The following ZDHHC18 variants were observed in gnomAD, a reference collection of about 807,000 sequenced individuals.
ZDHHC18 encodes palmitoyltransferase ZDHHC18.
A neutral mutation model predicts 37.5 loss-of-function variants in ZDHHC18; 23 were observed. The ratio of observed to expected loss-of-function variants is 0.61; its 90% confidence interval spans 0.44 to 0.87. The LOEUF (loss-of-function observed/expected upper bound fraction) is 0.87, where lower values mean the gene tolerates loss of function less well. ZDHHC18 is among the 40% of genes least tolerant of loss of function. The pLI is 0.00. For synonymous variants in ZDHHC18, 185 were observed against 218.7 expected (o/e 0.85, Z 1.36); for missense variants, 406 against 525.6 (o/e 0.77, Z 2.22).
intron 7 of ZDHHC18, chr1:26,853,247 T>C (rs771762196): frequency 9.0e-5 from 23 of 254,324 alleles, no homozygotes; most frequent in Non-Finnish European, 1.4e-4. Flanking sequence ...CCCTGCTGGG[T>C]CACTCCCTGT....
chr1:26,828,875 C>T (rs1397396995), intron 1 of ZDHHC18, among the ~76,000 whole-genome samples: 2 of 152,122 alleles, frequency 1.3e-5, no homozygotes, highest in Non-Finnish European at 2.9e-5. Context: ...TCAGTCCCCA[C>T]ACCCAGGGCT....
At chr1:26,842,038 G>A (rs941120785) in intron 2 of ZDHHC18, among the ~76,000 whole-genome samples, 1 of 151,920 alleles carries the variant, frequency 6.6e-6, no homozygotes, top group Non-Finnish European at 1.5e-5. Flanking sequence ...AGGAGGCTGA[G>A]GCAGAGAATT....
At chr1:26,830,151 C>G (rs1053900610) in intron 1 of ZDHHC18, among the ~76,000 whole-genome samples, 1 of 152,194 alleles carries the variant, frequency 6.6e-6, no homozygotes, top group African/African-American at 2.4e-5. Context: ...ATGCAGGTGC[C>G]CACAGGTGTG....
intron 2 of ZDHHC18, among the ~76,000 whole-genome samples, chr1:26,834,825 T>C (rs2081603965): frequency 6.6e-6 from 1 of 152,226 alleles, no homozygotes; most frequent in African/African-American, 2.4e-5. Context: ...ATTTGTGTGT[T>C]AATTCTATAT....
At chr1:26,844,207 T>A in intron 2 of ZDHHC18, among the ~76,000 whole-genome samples, 1 of 152,010 alleles carries the variant, frequency 6.6e-6, no homozygotes, top group East Asian at 1.9e-4. Context: ...GCCCAGCTAA[T>A]TTTTGTATTT....
At chr1:26,847,141 C>T (rs544858795) in intron 2 of ZDHHC18, among the ~76,000 whole-genome samples, 26 of 151,834 alleles carry the variant, frequency 1.7e-4, no homozygotes, top group African/African-American at 6.3e-4. Flanking sequence ...ATGATCCGCC[C>T]GCCTCGGCCC....
intron 2 of ZDHHC18, among the ~76,000 whole-genome samples, chr1:26,846,899 A>ATT (rs35809421): frequency 4.8e-5 from 7 of 145,840 alleles, no homozygotes; most frequent in South Asian, 2.2e-4. Flanking sequence ...ATTGTTCCTA[A>ATT]TTTTTTTTTT....
At chr1:26,838,065 C>T (rs1422833482) in intron 2 of ZDHHC18, among the ~76,000 whole-genome samples, 3 of 145,726 alleles carry the variant, frequency 2.1e-5, no homozygotes, top group African/African-American at 5.1e-5. Context: ...GGTGAGATCT[C>T]GGCTCACCAC....
At chr1:26,837,382 ATATT>A (rs1377463009) in intron 2 of ZDHHC18, among the ~76,000 whole-genome samples, 1 of 147,720 alleles carries the variant, frequency 6.8e-6, no homozygotes, top group Non-Finnish European at 1.5e-5. Context: ...TTTTACATCT[ATATT>A]TAATATGCAT....
intron 2 of ZDHHC18, among the ~76,000 whole-genome samples, chr1:26,846,216 A>ATATATATGTG (rs1553158077): frequency 0.015 from 5 of 330 alleles, no homozygotes; most frequent in Admixed American, 0.094. Flanking sequence ...ACGTATATAC[A>ATATATATGTG]TATATATGTG....
At chr1:26,837,850 TCTC>T (rs1388810168) in intron 2 of ZDHHC18, among the ~76,000 whole-genome samples, 2 of 152,066 alleles carry the variant, frequency 1.3e-5, no homozygotes, top group African/African-American at 4.8e-5. Flanking sequence ...CCACTGCTCT[TCTC>T]CTACTGGTCC....
intron 6 of ZDHHC18, 22 bp downstream of exon 6, chr1:26,851,253 CCTCATTCT>C: frequency 6.2e-7 from 1 of 1,610,668 alleles, no homozygotes; most frequent in South Asian, 1.1e-5. Context: ...TGGAGCCACC[CCTCATTCT>C]AGGGCAGCGC....
At position 26,848,620 on chromosome 1, in the gene ZDHHC18, G is replaced by A; in HGVS notation, c.509G>A (p.Ser170Asn). 1 of 1,613,162 alleles carries A rather than the reference G, an allele frequency of 6.2e-7. No homozygotes were observed. Among genetic ancestry groups the A allele is most frequent in the Non-Finnish European group, 8.5e-7 (1 of 1,179,138 alleles). Reference protein sequence around the residue: ...ALEKQIDNTGSSTYRPPPRTR... With the variant: ...ALEKQIDNTGNSTYRPPPRTR... Reference sequence around the variant, plus strand: ...CTCCTTCCCTCAGACAACACAGGCAGTTCTACATACCGGCCACCCCCTCGG... The same window carrying A: ...CTCCTTCCCTCAGACAACACAGGCAATTCTACATACCGGCCACCCCCTCGG... The change falls in exon 3 of 8, where the codon AGT (serine) becomes AAT (asparagine). Residue 170 changes from serine to asparagine, a missense_variant. Coordinates refer to ENST00000374142, the MANE Select transcript of ZDHHC18 (RefSeq NM_032283.3).
chr1:26,852,038 C>A (rs1336918784), intron 6 of ZDHHC18, among the ~76,000 whole-genome samples: 1 of 152,226 alleles, frequency 6.6e-6, no homozygotes, highest in Non-Finnish European at 1.5e-5. Flanking sequence ...CAGACCTCAT[C>A]CTCTCATTCA....
chr1:26,829,093 C>T lies in ZDHHC18; in HGVS notation c.335+1954C>T, dbSNP rs865918238. ...CGTGAACCATGTTGCAGTTTGTCCC[C>T]GCTTGTCCTCATTGGGGGCTGGTAG... On this transcript the variant is annotated intron_variant, in intron 1 of 7. Coordinates refer to ENST00000374142, the MANE Select transcript of ZDHHC18 (RefSeq NM_032283.3). Among the ~76,000 whole-genome samples, 8 of 152,222 alleles carry T rather than the reference C, an allele frequency of 5.3e-5. No homozygotes were observed. In the South Asian group the frequency reaches 1.7e-3, roughly 32 times the overall value.
In ZDHHC18 at chr1:26,857,366, C is replaced by T. The variant is rs1392325252; in HGVS notation, c.*3523C>T. On this transcript the variant is annotated 3_prime_UTR_variant, in exon 8 of 8. Transcript: ENST00000374142. ...TGATACTGTTCCCACGGCCTGTCCA[C>T]CTCCCACCCCCAACCCTCCACCAGA... 2 of 152,210 alleles carry T rather than the reference C, an allele frequency of 1.3e-5. No homozygotes were observed. Among genetic ancestry groups the T allele is most frequent in the Admixed American group, 1.3e-4 (2 of 15,276 alleles). The allele number at this position is 152,210 out of a possible 1,614,324, so 9.4% of individuals were successfully genotyped here.
chr1:26,841,144 T>G (rs2081637240), intron 2 of ZDHHC18, among the ~76,000 whole-genome samples: 1 of 151,992 alleles, frequency 6.6e-6, no homozygotes, highest in Admixed American at 6.6e-5. Context: ...ACCTGGCTAA[T>G]TTTTGTATTT....
intron 1 of ZDHHC18, among the ~76,000 whole-genome samples, chr1:26,829,256 G>T (rs78169804): frequency 0.059 from 8,910 of 152,204 alleles, 350 homozygotes; most frequent in Non-Finnish European, 0.086. Flanking sequence ...TTGGCTTGGT[G>T]GATTGTTGCA....
rs57174975 is a variant in ZDHHC18, at chr1:26,846,233, G to T, written c.497-2375G>T. ...GTATATACATATATATGTGTATATA[G>T]AGAGAGAGATATATAGATATATATC... On this transcript the variant is annotated intron_variant, in intron 2 of 7. Coordinates refer to ENST00000374142, the MANE Select transcript of ZDHHC18 (RefSeq NM_032283.3). Among the ~76,000 whole-genome samples, 389 of 119,578 alleles carry T rather than the reference G, an allele frequency of 3.3e-3. 3 individuals carry two copies. The highest frequency in any genetic ancestry group is 4.7e-3 in the Non-Finnish European group (265 of 56,578). 78.4% of individuals were successfully genotyped at this position (119,578 alleles called of 152,430 possible). A position where few individuals can be genotyped will look rare whatever the true frequency, so the allele number is the denominator to read the frequency against.
Sources: gnomAD v4.1 joint callset for allele counts (sites outside exome capture counted in the v4.1 genomes callset) on GRCh38, gnomAD v4.1.1 for gene constraint, MANE v1.5 for transcripts, NCBI Gene and HGNC (gene_info 2026-07-23, HGNC 2026-07-21) for gene names.